The following E2F5 variants were observed in gnomAD, a reference collection of about 807,000 sequenced individuals.
E2F5 encodes the protein E2F transcription factor 5, also known as transcription factor E2F5.
In E2F5, 23 loss-of-function variants were observed where a neutral mutation model predicts 39.1. The observed-to-expected ratio is 0.59, with a 90% CI of 0.42 to 0.83. The LOEUF is 0.83. Ranked by LOEUF, E2F5 falls within the 40% of genes least tolerant of loss-of-function variation. The probability of loss-of-function intolerance (pLI) is 0.00; values close to 1 mark genes in which losing one functional copy is unlikely to be tolerated. For synonymous variants in E2F5, 145 were observed against 157.8 expected, an observed-to-expected ratio of 0.92 and a Z score of 0.61; for missense variants, 365 against 406.7, an observed-to-expected ratio of 0.90 and a Z score of 0.88.
In E2F5 at chr8:85,187,571, CT is replaced by C. The variant is rs4150871; in HGVS notation, c.234+9919del. The C allele has an allele frequency of 6.2e-3, 936 of 152,126 alleles. 8 individuals carry two copies. The highest frequency in any genetic ancestry group is 0.021 in the African/African-American group (879 of 41,508). The allele number at this position is 152,126 out of a possible 1,614,324, so 9.4% of individuals were successfully genotyped here. A position where few individuals can be genotyped will look rare whatever the true frequency, so the allele number is the denominator to read the frequency against. ...CTTTGTATCTTTTTATAGTTTTTGA[CT>C]TAAAATCTATTTAATCTGATATATG... On this transcript the variant is annotated intron_variant, in intron 1 of 7. Transcript: ENST00000416274.
intron 7 of E2F5, chr8:85,213,542 T>TAA (rs536955367): frequency 1.9e-3 from 232 of 121,264 alleles, no homozygotes; most frequent in South Asian, 5.1e-3. Flanking sequence ...GACTCCATCT[T>TAA]AAAAAAAAAA....
intron 1 of E2F5, 32 bp from the exon 2 acceptor site, chr8:85,202,103 GACTTGCCCTTTA>G (rs1314665577): frequency 6.6e-7 from 1 of 1,509,384 alleles, no homozygotes; most frequent in Admixed American, 1.8e-5. Flanking sequence ...TTTAAAATAT[GACTTGCCCTTTA>G]TTTCACTGTT....
chr8:85,178,526 A>T (rs540623005), intron 1 of E2F5, among the ~76,000 whole-genome samples: 19 of 152,212 alleles, frequency 1.2e-4, no homozygotes, highest in Non-Finnish European at 2.6e-4. Context: ...GATAATGAGA[A>T]TGTGGTCACT....
intron 1 of E2F5, among the ~76,000 whole-genome samples, chr8:85,179,995 C>A (rs1812165802): frequency 6.8e-6 from 1 of 148,070 alleles, no homozygotes; most frequent in Non-Finnish European, 1.5e-5. Flanking sequence ...AATGATATTT[C>A]TTATTATACA....
chr8:85,193,108 A>G (rs1356224431), intron 1 of E2F5, among the ~76,000 whole-genome samples: 4 of 152,224 alleles, frequency 2.6e-5, no homozygotes, highest in Non-Finnish European at 1.5e-5. Flanking sequence ...TGGGTATTCT[A>G]ATTTTTTTTA....
chr8:85,208,293 A>G (rs4150957), intron 5 of E2F5, among the ~76,000 whole-genome samples: 3 of 152,188 alleles, frequency 2.0e-5, no homozygotes, highest in Non-Finnish European at 4.4e-5. Flanking sequence ...GCGCCATTGC[A>G]CTCCAGCCTG....
At chr8:85,213,609 C>T (rs1193577413) in intron 7 of E2F5, 144 bp from the exon 8 acceptor site, 2 of 326,172 alleles carry the variant, frequency 6.1e-6, no homozygotes, top group Admixed American at 4.8e-5. Flanking sequence ...ATTCAATGTA[C>T]AAATTGTTAC....
chr8:85,189,274 A>G (rs1420596085), intron 1 of E2F5, among the ~76,000 whole-genome samples: 5 of 152,194 alleles, frequency 3.3e-5, no homozygotes, highest in Non-Finnish European at 7.3e-5. Context: ...CCCAGTATGC[A>G]ACCACTCACA....
chr8:85,191,722 G>A (rs980653417), intron 1 of E2F5, among the ~76,000 whole-genome samples: 1 of 152,136 alleles, frequency 6.6e-6, no homozygotes, highest in African/African-American at 2.4e-5. Flanking sequence ...TCAGCAGCCT[G>A]GGTTTTTGCC....
chr8:85,201,984 C>T, intron 1 of E2F5, 163 bp from the exon 2 acceptor site: 1 of 613,380 alleles, frequency 1.6e-6, no homozygotes. Flanking sequence ...TTGGTATTTG[C>T]AGTGTTTGGG....
At chr8:85,178,383 G>A (rs1812130804) in intron 1 of E2F5, among the ~76,000 whole-genome samples, 1 of 152,092 alleles carries the variant, frequency 6.6e-6, no homozygotes, top group Admixed American at 6.5e-5. Context: ...GAAGTGCTCA[G>A]TAAACTCTCT....
Position 85,210,675 on chromosome 8 carries a change from TAAAA to T in E2F5, c.883+1278_883+1281del, listed in dbSNP as rs78651124. Among the ~76,000 whole-genome samples, 12 of 131,676 alleles carry T rather than the reference TAAAA, an allele frequency of 9.1e-5. No homozygotes were observed. The South Asian group carries it at 2.9e-3, about 32-fold the overall frequency. The allele number at this position is 131,676 out of a possible 152,430, so 86.4% of individuals were successfully genotyped here. On this transcript the variant is annotated intron_variant, in intron 6 of 7. Transcript: ENST00000416274. Reference sequence around the variant, plus strand: ...TGGGCGACAGAGTAAGACTCCATCTTAAAAAAAAAAAAAAAGAAAATGTAGTCCT... The same window carrying T: ...TGGGCGACAGAGTAAGACTCCATCTTAAAAAAAAAAAGAAAATGTAGTCCT...
chr8:85,201,996 G>A, intron 1 of E2F5, 151 bp from the exon 2 acceptor site: 2 of 645,836 alleles, frequency 3.1e-6, no homozygotes, highest in Non-Finnish European at 5.4e-6. Flanking sequence ...GTGTTTGGGA[G>A]ATGCTTTGAA....
chr8:85,180,393 A>T (rs1812177135), intron 1 of E2F5, among the ~76,000 whole-genome samples: 1 of 151,562 alleles, frequency 6.6e-6, no homozygotes, highest in African/African-American at 2.4e-5. Flanking sequence ...TCTAATTTGA[A>T]ATTATAAAGA....
At chr8:85,199,455 C>A (rs1025302200) in intron 1 of E2F5, among the ~76,000 whole-genome samples, 1 of 152,128 alleles carries the variant, frequency 6.6e-6, no homozygotes, top group Non-Finnish European at 1.5e-5. Flanking sequence ...AGGGCAGGGA[C>A]TTTGTTCTGT....
intron 1 of E2F5, among the ~76,000 whole-genome samples, chr8:85,198,026 C>A (rs1812617084): frequency 6.6e-6 from 1 of 152,144 alleles, no homozygotes; most frequent in Admixed American, 6.5e-5. Context: ...ATTAATAGCT[C>A]CTTTCCTTTC....
At chr8:85,193,476 CTCAA>C (rs1422375561) in intron 1 of E2F5, among the ~76,000 whole-genome samples, 3 of 152,098 alleles carry the variant, frequency 2.0e-5, no homozygotes, top group Non-Finnish European at 2.9e-5. Context: ...GAGAATCCAT[CTCAA>C]TCAATCGATC....
At chr8:85,209,876 T>C (rs886354637) in intron 6 of E2F5, among the ~76,000 whole-genome samples, 1 of 152,266 alleles carries the variant, frequency 6.6e-6, no homozygotes, top group African/African-American at 2.4e-5. Flanking sequence ...TAGTGACTTA[T>C]GCCTCTTGTT....
intron 6 of E2F5, among the ~76,000 whole-genome samples, chr8:85,211,457 G>C (rs1314382568): frequency 6.6e-6 from 1 of 151,808 alleles, no homozygotes; most frequent in Non-Finnish European, 1.5e-5. Context: ...AGATCAGGAA[G>C]AGAAATAACG....
Sources: gnomAD v4.1 joint callset for allele counts (sites outside exome capture counted in the v4.1 genomes callset) on GRCh38, gnomAD v4.1.1 for gene constraint, MANE v1.5 for transcripts, NCBI Gene and HGNC (gene_info 2026-07-23, HGNC 2026-07-21) for gene names.